The following MOB1B variants were observed in gnomAD, a reference collection of about 807,000 sequenced individuals.
The protein encoded by MOB1B is MOB1 Mps One Binder homolog B.
In MOB1B, 19 loss-of-function variants were observed where a neutral mutation model predicts 24.4. The ratio of observed to expected loss-of-function variants is 0.78; its 90% CI spans 0.54 to 1.14. MOB1B has a LOEUF of 1.14. Among genes scored for constraint, MOB1B ranks in the 50% most tolerant of loss-of-function variants. The pLI is 0.00. For synonymous variants in MOB1B, 76 were observed against 82.1 expected (o/e 0.93, Z 0.40); for missense variants, 243 against 259.6 (o/e 0.94, Z 0.44).
At chr4:70,927,945 T>C (rs907399903) in intron 1 of MOB1B, among the ~76,000 whole-genome samples, 6 of 152,182 alleles carry the variant, frequency 3.9e-5, no homozygotes, top group Non-Finnish European at 8.8e-5. Context: ...AGTGATTTTA[T>C]TTGCATTTCT....
intron 1 of MOB1B, among the ~76,000 whole-genome samples, chr4:70,941,346 T>G (rs1361659108): frequency 6.6e-6 from 1 of 152,186 alleles, no homozygotes; most frequent in Non-Finnish European, 1.5e-5. Context: ...TTTATTTTAT[T>G]TATTTATTTT....
upstream of MOB1B, chr4:70,902,229 G>C (rs1244207537): frequency 3.7e-6 from 2 of 539,194 alleles, no homozygotes; most frequent in Non-Finnish European, 6.7e-6. Flanking sequence ...GGCTTGCACC[G>C]CTATCGCGAG....
chr4:70,908,485 G>A (rs1735842687), intron 1 of MOB1B, among the ~76,000 whole-genome samples: 3 of 151,488 alleles, frequency 2.0e-5, no homozygotes, highest in Admixed American at 1.3e-4. Flanking sequence ...CTTAAGATTA[G>A]CAATTTAGGC....
intron 1 of MOB1B, among the ~76,000 whole-genome samples, chr4:70,948,818 T>G (rs1267156118): frequency 6.6e-6 from 1 of 152,188 alleles, no homozygotes. Flanking sequence ...TATAGAGGTA[T>G]GCCAGTAAGT....
At chr4:70,959,717 ATTAAG>A (rs1738222138) in intron 2 of MOB1B, among the ~76,000 whole-genome samples, 1 of 152,062 alleles carries the variant, frequency 6.6e-6, no homozygotes, top group South Asian at 2.1e-4. Context: ...GGTTTAATAG[ATTAAG>A]TTGAGACAAT....
At chr4:70,923,092 C>T (rs955664155) in intron 1 of MOB1B, among the ~76,000 whole-genome samples, 1 of 152,188 alleles carries the variant, frequency 6.6e-6, no homozygotes, top group South Asian at 2.1e-4. Context: ...TAATCAGGCC[C>T]CCTGCTTAGA....
intron 1 of MOB1B, among the ~76,000 whole-genome samples, chr4:70,933,007 G>T (rs1736939417): frequency 6.6e-6 from 1 of 152,118 alleles, no homozygotes; most frequent in South Asian, 2.1e-4. Flanking sequence ...CAGAGACTGG[G>T]TAATTTATAA....
chr4:70,965,998 C>G (rs1738514366), intron 2 of MOB1B, among the ~76,000 whole-genome samples: 1 of 151,896 alleles, frequency 6.6e-6, no homozygotes, highest in African/African-American at 2.4e-5. Flanking sequence ...AACCTTGCCA[C>G]AGTAGTATTT....
intron 1 of MOB1B, among the ~76,000 whole-genome samples, chr4:70,916,474 G>A (rs1407747909): frequency 2.0e-5 from 3 of 152,172 alleles, no homozygotes; most frequent in Non-Finnish European, 4.4e-5. Flanking sequence ...CAAGGTCCCC[G>A]TAAAACAAAC....
chr4:70,963,338 C>T (rs369431002), intron 2 of MOB1B, among the ~76,000 whole-genome samples: 2 of 149,524 alleles, frequency 1.3e-5, no homozygotes, highest in Admixed American at 6.6e-5. Context: ...CCAGCCTGAG[C>T]GACAGAGTGA....
intron 1 of MOB1B, among the ~76,000 whole-genome samples, chr4:70,929,545 A>T (rs1009913946): frequency 1.3e-5 from 2 of 151,990 alleles, no homozygotes; most frequent in Non-Finnish European, 2.9e-5. Context: ...CAGTGGCCCA[A>T]CAACTGCTTA....
intron 1 of MOB1B, among the ~76,000 whole-genome samples, chr4:70,905,845 A>G (rs1735715318): frequency 1.3e-5 from 2 of 151,714 alleles, no homozygotes; most frequent in Admixed American, 1.3e-4. Flanking sequence ...TGAGTGGATC[A>G]CTTGACCCCA....
intron 1 of MOB1B, chr4:70,950,638 G>A: frequency 5.3e-6 from 4 of 760,980 alleles, no homozygotes; most frequent in Non-Finnish European, 8.4e-6. Flanking sequence ...TAAAATAGTT[G>A]CGAGTACAAA....
At chr4:70,948,566 A>G (rs889159996) in intron 1 of MOB1B, among the ~76,000 whole-genome samples, 1 of 151,960 alleles carries the variant, frequency 6.6e-6, no homozygotes, top group Non-Finnish European at 1.5e-5. Context: ...TTTGAATATA[A>G]TAGTGTCTCT....
At chr4:70,939,681 C>G (rs1455193797) in intron 1 of MOB1B, among the ~76,000 whole-genome samples, 1 of 152,204 alleles carries the variant, frequency 6.6e-6, no homozygotes, top group East Asian at 1.9e-4. Flanking sequence ...TCTTTGGTGT[C>G]CTGCTGCTCA....
chr4:70,958,717 A>G (rs1240491011), intron 1 of MOB1B, 157 bp from the exon 2 acceptor site: 5 of 829,372 alleles, frequency 6.0e-6, no homozygotes, highest in African/African-American at 1.7e-5. Context: ...CACAGCAGAG[A>G]AAGTTTGTAG....
At chr4:70,904,017 T>C (rs1283616424) in intron 1 of MOB1B, among the ~76,000 whole-genome samples, 4 of 138,602 alleles carry the variant, frequency 2.9e-5, no homozygotes, top group African/African-American at 1.1e-4. Context: ...GTCTCCGCTC[T>C]GTCACCAGGC....
intron 4 of MOB1B, 139 bp downstream of exon 4, chr4:70,975,425 C>T: frequency 2.2e-6 from 3 of 1,348,896 alleles, no homozygotes; most frequent in Non-Finnish European, 2.8e-6. Flanking sequence ...ACGCAGTTCC[C>T]AAGAAGAGGC....
At chr4:70,940,412 C>T (rs1172671151) in intron 1 of MOB1B, among the ~76,000 whole-genome samples, 2 of 152,122 alleles carry the variant, frequency 1.3e-5, no homozygotes, top group African/African-American at 2.4e-5. Flanking sequence ...GAGAGCAGAG[C>T]GAGACCCCAT....
Sources: allele counts gnomAD v4.1 joint callset (sites outside exome capture counted in the v4.1 genomes callset), GRCh38; gene constraint gnomAD v4.1.1; transcripts MANE v1.5; gene names NCBI Gene and HGNC (gene_info 2026-07-23, HGNC 2026-07-21).